LRRC4C: variants seen among roughly 807,000 people sequenced by gnomAD.
The protein encoded by LRRC4C is leucine-rich repeat-containing protein 4C.
In LRRC4C, 5 loss-of-function variants were observed where a neutral mutation model predicts 33.6. That is an observed-to-expected ratio of 0.15 (90% CI 0.08 to 0.31). The LOEUF (loss-of-function observed/expected upper bound fraction) is 0.31, where lower values mean the gene tolerates loss of function less well. Among genes scored for constraint, LRRC4C ranks in the 10% least tolerant of loss-of-function variants. LRRC4C has a pLI of 1.00. For synonymous variants in LRRC4C, 329 were observed against 302.0 expected (o/e 1.09, Z -0.93); for missense variants, 560 against 796.7 (o/e 0.70, Z 3.58).
intron 5 of LRRC4C, among the ~76,000 whole-genome samples, chr11:40,158,434 T>C (rs888905616): frequency 3.3e-5 from 5 of 152,112 alleles, no homozygotes; most frequent in African/African-American, 1.2e-4. Flanking sequence ...AAATTACATT[T>C]ATCTGTGACT....
intron 1 of LRRC4C, among the ~76,000 whole-genome samples, chr11:41,110,444 A>T (rs1166126299): frequency 1.3e-5 from 2 of 152,086 alleles, no homozygotes; most frequent in Non-Finnish European, 2.9e-5. Context: ...AGACAAAGAG[A>T]ATGTAAATAA....
chr11:41,219,280 T>C (rs1053436213), intron 1 of LRRC4C, among the ~76,000 whole-genome samples: 1 of 152,194 alleles, frequency 6.6e-6, no homozygotes, highest in Admixed American at 6.5e-5. Flanking sequence ...AGAGTTGCTA[T>C]GTGCAGTTCA....
intron 1 of LRRC4C, among the ~76,000 whole-genome samples, chr11:41,344,464 C>T (rs2137504893): frequency 6.6e-6 from 1 of 152,272 alleles, no homozygotes; most frequent in South Asian, 2.1e-4. Flanking sequence ...TCGTGATCCG[C>T]CCGCCTCGGC....
chr11:40,302,198 G>A (rs1024451454), intron 4 of LRRC4C, among the ~76,000 whole-genome samples: 11 of 152,160 alleles, frequency 7.2e-5, no homozygotes, highest in African/African-American at 1.9e-4. Context: ...TGACTGTTAC[G>A]TGAGTGAGTG....
intron 5 of LRRC4C, among the ~76,000 whole-genome samples, chr11:40,226,305 C>T (rs1864791733): frequency 6.6e-6 from 1 of 152,178 alleles, no homozygotes; most frequent in African/African-American, 2.4e-5. Flanking sequence ...TTGGGTCTTT[C>T]CTCTGGTTTG....
rs1004395137 is a variant in LRRC4C, at chr11:40,572,772, A to G, written c.-270+75370T>C. Among the ~76,000 whole-genome samples the G allele has an allele frequency of 3.3e-5, 5 of 152,210 alleles. No individual in the cohort carries two copies. In the East Asian group the frequency reaches 9.6e-4, roughly 29 times the overall value. ...AGTCACACAGTGAGGGGACTCATAG[A>G]AGGCTTGACTTTAGCATAAGAGTTT... is the stretch of plus-strand genomic sequence containing the variant. On this transcript the variant is annotated intron_variant, in intron 3 of 6. Transcript: ENST00000528697.
intron 1 of LRRC4C, among the ~76,000 whole-genome samples, chr11:41,085,928 C>CAAAAAAAAA (rs10717008): frequency 3.6e-3 from 290 of 79,866 alleles, no homozygotes; most frequent in East Asian, 6.1e-3. Context: ...TTTAAGACAC[C>CAAAAAAAAA]AAAAAAAAAA....
chr11:41,078,651 G>A (rs527688817), intron 1 of LRRC4C, among the ~76,000 whole-genome samples: 5 of 152,156 alleles, frequency 3.3e-5, no homozygotes, highest in Admixed American at 2.6e-4. Context: ...GGGGAAACCC[G>A]CCTCCATGAA....
At chr11:40,932,370 GA>G (rs1957666477) in intron 2 of LRRC4C, among the ~76,000 whole-genome samples, 1 of 152,158 alleles carries the variant, frequency 6.6e-6, no homozygotes, top group Admixed American at 6.6e-5. Context: ...AGAATATTGA[GA>G]GTTGTTTCAA....
intron 1 of LRRC4C, among the ~76,000 whole-genome samples, chr11:41,034,414 G>A (rs1307929491): frequency 4.3e-5 from 6 of 139,986 alleles, no homozygotes; most frequent in African/African-American, 1.1e-4. Context: ...AACAGACTAA[G>A]ACACATATGA....
chr11:41,299,442 T>C (rs1251738866), intron 1 of LRRC4C, among the ~76,000 whole-genome samples: 1 of 152,152 alleles, frequency 6.6e-6, no homozygotes, highest in Non-Finnish European at 1.5e-5. Flanking sequence ...TCCTACCTAC[T>C]TGAATTGCCT....
chr11:40,177,573 T>C (rs1860613820), intron 5 of LRRC4C, among the ~76,000 whole-genome samples: 1 of 152,166 alleles, frequency 6.6e-6, no homozygotes. Context: ...TTCCCCCAGA[T>C]AGCTATAGGG....
At chr11:40,886,406 T>TAC (rs10629266) in intron 2 of LRRC4C, among the ~76,000 whole-genome samples, 32,879 of 145,378 alleles carry the variant, frequency 0.23, 3,979 homozygotes, top group African/African-American at 0.33. Flanking sequence ...TTTCAAATGC[T>TAC]ACACACACAC....
At chr11:40,231,605 T>A (rs1037984128) in intron 5 of LRRC4C, among the ~76,000 whole-genome samples, 5 of 152,180 alleles carry the variant, frequency 3.3e-5, no homozygotes, top group African/African-American at 1.2e-4. Context: ...CCCTAAGATA[T>A]TTTTATACCT....
At position 40,494,185 on chromosome 11, in the gene LRRC4C, C is replaced by G. The variant is rs565163490; in HGVS notation, c.-270+153957G>C. ...TGGTAATGGCTCTCCAGTATTGGTC[C>G]TCTAGGAAACTTCTTAATTTCTCTA... On this transcript the variant is annotated intron_variant, in intron 3 of 6. Coordinates refer to ENST00000528697, the MANE Select transcript of LRRC4C (RefSeq NM_001258419.2). 1.2e-4 allele frequency among the ~76,000 whole-genome samples: 18 copies of G among 152,196 alleles called. No individual in the cohort carries two copies. The South Asian group carries it at 3.7e-3, about 32-fold the overall frequency.
chr11:40,664,324 C>A lies in LRRC4C; in HGVS notation c.-406-16046G>T, dbSNP rs192217740. ...CTTTGAGAGGGAGAGGCAGGTGGAT[C>A]GCCTGAGGTCAGGAGTTCGAGACCA... On this transcript the variant is annotated intron_variant, in intron 2 of 6. Transcript: ENST00000528697. 1.1e-4 allele frequency among the ~76,000 whole-genome samples: 17 copies of A among 152,150 alleles called. No homozygotes were observed. The East Asian group carries it at 2.9e-3, about 26-fold the overall frequency.
intron 1 of LRRC4C, among the ~76,000 whole-genome samples, chr11:41,221,918 C>T (rs576466459): frequency 5.3e-5 from 8 of 152,184 alleles, no homozygotes; most frequent in South Asian, 2.1e-4. Flanking sequence ...TTCTAGGGCA[C>T]GCTACATCTT....
At chr11:41,277,879 C>A (rs1233445847) in intron 1 of LRRC4C, among the ~76,000 whole-genome samples, 2 of 151,892 alleles carry the variant, frequency 1.3e-5, no homozygotes, top group Non-Finnish European at 2.9e-5. Flanking sequence ...TTAGAATCAC[C>A]TGGCATTTTG....
intron 1 of LRRC4C, among the ~76,000 whole-genome samples, chr11:41,007,691 G>A (rs1183681488): frequency 6.6e-6 from 1 of 152,034 alleles, no homozygotes; most frequent in Non-Finnish European, 1.5e-5. Context: ...TTTCTAAATA[G>A]ATTTTTAAAA....
Sources: gnomAD v4.1 joint callset for allele counts (sites outside exome capture counted in the v4.1 genomes callset) on GRCh38, gnomAD v4.1.1 for gene constraint, MANE v1.5 for transcripts, NCBI Gene and HGNC (gene_info 2026-07-23, HGNC 2026-07-21) for gene names.